The following FRMD5 variants were observed in gnomAD, a reference collection of about 807,000 sequenced individuals.
The protein encoded by FRMD5 is FERM domain-containing protein 5.
Under a neutral mutation model 69.0 loss-of-function variants are expected in FRMD5, and 20 were observed. The ratio of observed to expected loss-of-function variants is 0.29; its 90% CI spans 0.20 to 0.42. FRMD5 has a LOEUF of 0.42. FRMD5 is among the 10% of genes least tolerant of loss of function. The probability of loss-of-function intolerance (pLI) is 1.00; values close to 1 mark genes in which losing one functional copy is unlikely to be tolerated. For missense variants in FRMD5, 595 were observed against 708.6 expected, an observed-to-expected ratio of 0.84 and a Z score of 1.82; for synonymous variants, 271 against 260.1, an observed-to-expected ratio of 1.04 and a Z score of -0.40.
intron 1 of FRMD5, among the ~76,000 whole-genome samples, chr15:44,071,173 A>G (rs1893522892): frequency 1.3e-5 from 2 of 152,126 alleles, no homozygotes; most frequent in South Asian, 4.1e-4. Context: ...AGTTATTCTG[A>G]TTCATCCTCC....
chr15:44,074,570 CTT>C, intron 1 of FRMD5, among the ~76,000 whole-genome samples: 1 of 151,720 alleles, frequency 6.6e-6, no homozygotes, highest in African/African-American at 2.4e-5. Flanking sequence ...GTGGCACCAT[CTT>C]GGCTCACTGC....
At chr15:44,033,487 GTC>G (rs1193050738) in intron 1 of FRMD5, among the ~76,000 whole-genome samples, 1 of 152,002 alleles carries the variant, frequency 6.6e-6, no homozygotes, top group East Asian at 1.9e-4. Context: ...TTTTGTTCAA[GTC>G]TCTTTTTTGA....
At chr15:44,063,505 G>A (rs1893180727) in intron 1 of FRMD5, 1 of 404,742 alleles carries the variant, frequency 2.5e-6, no homozygotes, top group Non-Finnish European at 4.8e-6. Context: ...GCACCCCTGG[G>A]ACACCATGGT....
At chr15:44,179,052 A>G (rs1411681519) in intron 1 of FRMD5, among the ~76,000 whole-genome samples, 1 of 152,146 alleles carries the variant, frequency 6.6e-6, no homozygotes, top group African/African-American at 2.4e-5. Flanking sequence ...AGTAAACAGT[A>G]TCATGTAGAC....
chr15:43,947,118 C>T (rs942882233), intron 1 of FRMD5, among the ~76,000 whole-genome samples: 1 of 152,218 alleles, frequency 6.6e-6, no homozygotes, highest in African/African-American at 2.4e-5. Flanking sequence ...TTAATGAATA[C>T]TAGTGCTTAA....
chr15:44,182,145 G>T (rs940934169), intron 1 of FRMD5, among the ~76,000 whole-genome samples: 3 of 150,816 alleles, frequency 2.0e-5, no homozygotes, highest in African/African-American at 7.3e-5. Flanking sequence ...CGAGTAGCTG[G>T]GATTACAGGT....
chr15:44,094,951 C>T (rs2076529254), intron 1 of FRMD5, among the ~76,000 whole-genome samples: 1 of 151,976 alleles, frequency 6.6e-6, no homozygotes, highest in African/African-American at 2.4e-5. Context: ...TATAACATGA[C>T]CATGATCCAG....
chr15:43,880,187 T>A (rs1485454497), intron 13 of FRMD5, among the ~76,000 whole-genome samples: 1 of 152,204 alleles, frequency 6.6e-6, no homozygotes, highest in Admixed American at 6.5e-5. Context: ...CAGCCTAGCT[T>A]TGGGGCTGGG....
chr15:44,047,745 C>T (rs1187164325), intron 1 of FRMD5, among the ~76,000 whole-genome samples: 1 of 152,158 alleles, frequency 6.6e-6, no homozygotes, highest in East Asian at 1.9e-4. Context: ...CCTACCAACG[C>T]CTGGCAACTA....
chr15:44,141,880 A>G (rs904904400), intron 1 of FRMD5, among the ~76,000 whole-genome samples: 12 of 152,196 alleles, frequency 7.9e-5, no homozygotes, highest in Non-Finnish European at 1.6e-4. Flanking sequence ...CTAAGTTAAC[A>G]GCTACCTAAC....
At chr15:44,036,189 C>T (rs903349491) in intron 1 of FRMD5, among the ~76,000 whole-genome samples, 19 of 152,174 alleles carry the variant, frequency 1.2e-4, no homozygotes, top group Non-Finnish European at 2.6e-4. Context: ...TTGTTTCAGA[C>T]ATAACAACCC....
At chr15:44,018,877 G>A (rs898688633) in intron 1 of FRMD5, among the ~76,000 whole-genome samples, 8 of 151,884 alleles carry the variant, frequency 5.3e-5, no homozygotes, top group African/African-American at 1.5e-4. Context: ...GCTAACAGTC[G>A]ATGTGGGTAT....
intron 7 of FRMD5, among the ~76,000 whole-genome samples, chr15:43,893,645 G>A (rs1472396742): frequency 6.6e-6 from 1 of 152,220 alleles, no homozygotes; most frequent in Non-Finnish European, 1.5e-5. Context: ...CTGGGCCACA[G>A]CTCAGGTGGT....
intron 1 of FRMD5, among the ~76,000 whole-genome samples, chr15:43,927,280 C>T (rs2089600821): frequency 6.6e-6 from 1 of 152,208 alleles, no homozygotes; most frequent in Non-Finnish European, 1.5e-5. Context: ...TTGGGGACCT[C>T]CCCCAGCCCA....
intron 1 of FRMD5, among the ~76,000 whole-genome samples, chr15:44,174,264 C>G (rs1157474197): frequency 6.6e-6 from 1 of 151,896 alleles, no homozygotes; most frequent in African/African-American, 2.4e-5. Flanking sequence ...GATTTCAGAA[C>G]TGAATTTTTC....
At chr15:43,909,654 AT>A (rs2089248986) in intron 5 of FRMD5, among the ~76,000 whole-genome samples, 1 of 151,822 alleles carries the variant, frequency 6.6e-6, no homozygotes, top group Non-Finnish European at 1.5e-5. Flanking sequence ...TAACTTTCGT[AT>A]TTTTAGTAGA....
At chr15:43,987,746 C>T (rs1889467172) in intron 1 of FRMD5, among the ~76,000 whole-genome samples, 1 of 152,068 alleles carries the variant, frequency 6.6e-6, no homozygotes, top group African/African-American at 2.4e-5. Context: ...GATGGGGTTT[C>T]ACCATGCTGG....
At chr15:44,070,871 C>G (rs1487282314) in intron 1 of FRMD5, among the ~76,000 whole-genome samples, 1 of 152,166 alleles carries the variant, frequency 6.6e-6, no homozygotes, top group Non-Finnish European at 1.5e-5. Flanking sequence ...CGATTTTTGT[C>G]CCAAATCATC....
At chr15:43,891,937 T>C (rs1325049796) in intron 8 of FRMD5, 44 bp downstream of exon 8, 2 of 1,523,402 alleles carry the variant, frequency 1.3e-6, no homozygotes, top group Non-Finnish European at 1.8e-6. Flanking sequence ...CCCTCCCCAG[T>C]TGGTGAGATA....
Sources: gnomAD v4.1 joint callset for allele counts (sites outside exome capture counted in the v4.1 genomes callset) on GRCh38, gnomAD v4.1.1 for gene constraint, MANE v1.5 for transcripts, NCBI Gene and HGNC (gene_info 2026-07-23, HGNC 2026-07-21) for gene names.